The following DPH7 variants were observed in gnomAD, a reference collection of about 807,000 sequenced individuals.
DPH7 encodes diphthine methyltransferase.
Under a neutral mutation model 41.7 loss-of-function variants are expected in DPH7, and 44 were observed. That is an observed-to-expected ratio of 1.05 (90% CI 0.83 to 1.36). The LOEUF (loss-of-function observed/expected upper bound fraction) is 1.36. Among genes scored for constraint, DPH7 ranks in the 40% most tolerant of loss-of-function variants. The pLI is 0.00. For synonymous variants in DPH7, 275 were observed against 238.0 expected (o/e 1.16, Z -1.43); for missense variants, 629 against 577.5 (o/e 1.09, Z -0.91).
chr9:137,555,291 G>C lies in DPH7; in HGVS notation c.1307C>G (p.Thr436Ser). 2.5e-6 allele frequency: 4 copies of C among 1,613,922 alleles called. No homozygotes were observed. Among genetic ancestry groups the C allele is most frequent in the Non-Finnish European group, 3.4e-6 (4 of 1,179,914 alleles). The change falls in exon 9 of 9, where the codon ACC (threonine) becomes AGC (serine). Residue 436 changes from threonine to serine, a missense_variant. Coordinates refer to ENST00000277540, the MANE Select transcript of DPH7 (RefSeq NM_138778.5). ...EADSAFSLLA[T>S]CSFYDHALHL... Reference sequence around the variant, plus strand: ...GAGCGCATGGTCATAGAAGGAGCAGGTGGCCAGGAGGCTGAAGGCTGAGTC... The same window carrying C: ...GAGCGCATGGTCATAGAAGGAGCAGCTGGCCAGGAGGCTGAAGGCTGAGTC...
rs778307457 is a variant in DPH7 at position 137,574,799 on chromosome 9, C to T, written c.420G>A (p.Glu140=). ...LEPLSSLALE[E]QCLALSLDWS... is the part of the protein sequence containing the mutation. The stretch of plus-strand genomic sequence containing the variant: ...AATCTAGGGACAAAGCCAGACACTG[C>T]TCCTCCAGGGCAAGGCTGGACAATG... Residue 140 remains glutamate, a synonymous_variant, in exon 4 of 9, where the codon GAG becomes GAA. Transcript: ENST00000277540. 6.2e-7 allele frequency: 1 copy of T among 1,614,080 alleles called. No individual in the cohort carries two copies. The highest frequency in any genetic ancestry group is 8.5e-7 in the Non-Finnish European group (1 of 1,180,016).
chr9:137,575,905 G>C, intron 3 of DPH7, 175 bp downstream of exon 3: 1 of 1,413,624 alleles, frequency 7.1e-7, no homozygotes, highest in South Asian at 1.5e-5. Context: ...CTTGGAGTTG[G>C]ATGTAGAACG....
intron 8 of DPH7, among the ~76,000 whole-genome samples, chr9:137,562,220 T>C (rs1400123684): frequency 6.6e-6 from 1 of 151,912 alleles, no homozygotes; most frequent in Non-Finnish European, 1.5e-5. Context: ...CCAGAAGATC[T>C]GAACATTATA....
intron 5 of DPH7, among the ~76,000 whole-genome samples, chr9:137,572,708 T>C (rs1840651005): frequency 6.6e-6 from 1 of 152,206 alleles, no homozygotes; most frequent in African/African-American, 2.4e-5. Flanking sequence ...GCTACCTCCT[T>C]CCTGGAAACA....
chr9:137,577,053 C>CCA (rs1554808950), intron 2 of DPH7, among the ~76,000 whole-genome samples: 1 of 139,252 alleles, frequency 7.2e-6, no homozygotes, highest in African/African-American at 2.7e-5. Flanking sequence ...AACCCTGCCT[C>CCA]AAAAAAAAAA....
In DPH7 at chr9:137,564,972, C is replaced by A. The variant is rs201475279; in HGVS notation, c.711-14G>T. The A allele has an allele frequency of 3.8e-6, 6 of 1,594,782 alleles. No individual in the cohort carries two copies. The highest frequency in any genetic ancestry group is 3.5e-5 in the Admixed American group (2 of 56,818). On this transcript the variant is annotated splice_polypyrimidine_tract_variant and intron_variant, in intron 6 of 8. Coordinates refer to ENST00000277540, the MANE Select transcript of DPH7 (RefSeq NM_138778.5). ...CCCATGGTGTGTCTGCAAGCAGAGG[C>A]GGCTTCTGAACCAGTGTCCAGCACA...
intron 2 of DPH7, among the ~76,000 whole-genome samples, chr9:137,576,793 C>T (rs821316): frequency 0.017 from 2,507 of 151,870 alleles, 69 homozygotes; most frequent in African/African-American, 0.056. Flanking sequence ...GGGAGGCTGA[C>T]GCAGGAGAAT....
chr9:137,564,644 C>T (rs375705610), intron 7 of DPH7, 38 bp from the exon 8 acceptor site: 33 of 1,590,534 alleles, frequency 2.1e-5, no homozygotes, highest in Non-Finnish European at 2.8e-5. Flanking sequence ...ATAAGGAAAG[C>T]CCAGGCTCAC....
At chr9:137,560,319 C>T (rs936420788) in intron 8 of DPH7, among the ~76,000 whole-genome samples, 3 of 151,946 alleles carry the variant, frequency 2.0e-5, no homozygotes, top group Non-Finnish European at 4.4e-5. Context: ...GATGGGAGCA[C>T]AACAAATAGT....
Position 137,578,763 on chromosome 9 carries a change from G to A in DPH7, c.15C>T (p.Phe5=), listed in dbSNP as rs751054772. Residue 5 remains phenylalanine (F), a synonymous_variant, in exon 1 of 9, where the codon TTC becomes TTT. Transcript: ENST00000277540. The stretch of plus-strand genomic sequence containing the variant: ...GCTCGGTGTCCACCGTTTGCAGGGC[G>A]AAACAGCCCATCATCCAGCCCTCGG... MMGC[F]ALQTVDTELT... is the part of the protein sequence containing the mutation. 23 of 1,509,006 alleles carry A rather than the reference G, an allele frequency of 1.5e-5. No individual in the cohort carries two copies. In the Admixed American group the frequency reaches 5.2e-4, roughly 34 times the overall value. The allele number at this position is 1,509,006 out of a possible 1,614,324, so 93.5% of individuals were successfully genotyped here. A position where few individuals can be genotyped will look rare whatever the true frequency, so the allele number is the denominator to read the frequency against.
At chr9:137,557,891 T>C (rs1837799994) in intron 8 of DPH7, among the ~76,000 whole-genome samples, 1 of 151,864 alleles carries the variant, frequency 6.6e-6, no homozygotes. Flanking sequence ...TCCTAACACT[T>C]TGGGAGGCCG....
intron 5 of DPH7, among the ~76,000 whole-genome samples, chr9:137,573,229 C>T (rs192136720): frequency 0.022 from 3,371 of 150,956 alleles, 58 homozygotes; most frequent in Non-Finnish European, 0.035. Context: ...GGCGTGGTGG[C>T]GGGCACCTGT....
Position 137,555,470 on chromosome 9 carries a change from G to T in DPH7, c.1128C>A (p.Pro376=), listed in dbSNP as rs753196193. 6.2e-7 allele frequency: 1 copy of T among 1,614,140 alleles called. No homozygotes were observed. Among genetic ancestry groups the T allele is most frequent in the African/African-American group, 1.3e-5 (1 of 75,040 alleles). The change falls in exon 9 of 9, where the codon CCC becomes CCA. Residue 376 remains proline (P), a synonymous_variant. Transcript: ENST00000277540. ...CGTTATCCTCTCTGCATTCATGACA[G>T]GGTGTTGGCAACTCGCTTGCACCCT... is the stretch of plus-strand genomic sequence containing the variant. ...DLKGASELPT[P]CHECREDNDG...
In DPH7 at chr9:137,575,903, T is replaced by TGGATGTA. The variant is rs1488878201; in HGVS notation, c.375+170_375+176dup. ...ACATGAGGTGACTTCCTCTTGGAGT[T>TGGATGTA]GGATGTAGAACGCAATACAACTTAA... On this transcript the variant is annotated intron_variant, in intron 3 of 8. Coordinates refer to ENST00000277540, the MANE Select transcript of DPH7 (RefSeq NM_138778.5). 73 of 1,410,976 alleles carry TGGATGTA rather than the reference T, an allele frequency of 5.2e-5. No individual in the cohort carries two copies. The African/African-American group carries it at 8.3e-4, about 16-fold the overall frequency. The allele number at this position is 1,410,976 out of a possible 1,614,324, so 87.4% of individuals were successfully genotyped here. A position where few individuals can be genotyped will look rare whatever the true frequency, so the allele number is the denominator to read the frequency against.
intron 8 of DPH7, among the ~76,000 whole-genome samples, chr9:137,560,094 A>T (rs1294912193): frequency 1.3e-5 from 2 of 152,218 alleles, no homozygotes; most frequent in Non-Finnish European, 2.9e-5. Flanking sequence ...TGTGTGCCCA[A>T]CAGACAATGC....
At chr9:137,557,949 A>G (rs960743808) in intron 8 of DPH7, among the ~76,000 whole-genome samples, 10 of 152,210 alleles carry the variant, frequency 6.6e-5, no homozygotes, top group African/African-American at 2.4e-4. Context: ...AGCCTGACCA[A>G]CATGGTAAAA....
chr9:137,570,113 CCCT>C (rs1004961361), intron 5 of DPH7, among the ~76,000 whole-genome samples: 1 of 151,814 alleles, frequency 6.6e-6, no homozygotes, highest in African/African-American at 2.4e-5. Context: ...CACCCACACG[CCCT>C]CCTACCCACC....
chr9:137,572,751 T>A (rs1840658737), intron 5 of DPH7, among the ~76,000 whole-genome samples: 1 of 152,204 alleles, frequency 6.6e-6, no homozygotes, highest in South Asian at 2.1e-4. Flanking sequence ...CACATCAGCA[T>A]GCCCCAAATG....
Position 137,556,410 on chromosome 9 carries a change from A to C in DPH7, c.950-762T>G, listed in dbSNP as rs998436344. Among the ~76,000 whole-genome samples, 1 of 152,202 alleles carries C rather than the reference A, an allele frequency of 6.6e-6. No individual in the cohort carries two copies. The highest frequency in any genetic ancestry group is 1.5e-5 in the Non-Finnish European group (1 of 68,036). ...GGCTGGGTGGCCACTTGGGCTCTGA[A>C]AGGGCTGCCATCGCTACCTCTGAAG... On this transcript the variant is annotated intron_variant, in intron 8 of 8. Transcript: ENST00000277540. The surrounding 1 kb of genome is among the most constrained non-coding windows in gnomAD (Gnocchi z 5.2).
Sources: allele counts gnomAD v4.1 joint callset (sites outside exome capture counted in the v4.1 genomes callset), GRCh38; gene constraint gnomAD v4.1.1; non-coding constraint Gnocchi (gnomAD v3.1); transcripts MANE v1.5; gene names NCBI Gene and HGNC (gene_info 2026-07-23, HGNC 2026-07-21).